The following TMEM131L variants were observed in gnomAD, a reference collection of about 807,000 sequenced individuals.
The protein encoded by TMEM131L is transmembrane 131 like.
TMEM131L carries 54 observed loss-of-function variants against 192.2 expected under a neutral mutation model. The observed-to-expected ratio is 0.28, with a 90% CI of 0.23 to 0.35. TMEM131L has a LOEUF of 0.35. TMEM131L is among the 10% of genes least tolerant of loss of function. TMEM131L has a pLI of 1.00. For missense variants in TMEM131L, 1,888 were observed against 1,972.9 expected (o/e 0.96, Z 0.82); for synonymous variants, 701 against 704.9 (o/e 0.99, Z 0.09).
intron 3 of TMEM131L, among the ~76,000 whole-genome samples, chr4:153,489,778 A>G (rs546447723): frequency 1.4e-5 from 2 of 147,222 alleles, no homozygotes; most frequent in South Asian, 4.3e-4. Flanking sequence ...GCCTGGCCCA[A>G]TTTTTTTTTT....
intron 2 of TMEM131L, among the ~76,000 whole-genome samples, chr4:153,468,880 A>G (rs1425039384): frequency 6.6e-6 from 1 of 152,146 alleles, no homozygotes; most frequent in Non-Finnish European, 1.5e-5. Context: ...GCTCAATTAT[A>G]GTTTCTATCT....
In TMEM131L at chr4:153,555,826, C is replaced by T. The variant is rs1017246847; in HGVS notation, c.348C>T (p.Tyr116=). ...CTGTAGCAAAGATTCTCCATGCTTA[C>T]AACCCTAGTAGGGACAGCGAGGTTG... ...GHPVAKILHA[Y]NPSRDSEVVV... is the part of the protein sequence containing the mutation. Residue 116 remains tyrosine, a synonymous_variant, in exon 5 of 35, where the codon TAC becomes TAT. Coordinates refer to ENST00000409959, the MANE Select transcript of TMEM131L (RefSeq NM_001131007.2). The surrounding 1 kb of genome is among the most constrained non-coding windows in gnomAD (Gnocchi z 4.1). The T allele has an allele frequency of 3.9e-6, 6 of 1,551,642 alleles. No individual in the cohort carries two copies. The highest frequency in any genetic ancestry group is 4.4e-6 in the Non-Finnish European group (5 of 1,146,850).
chr4:153,500,171 G>T (rs1733496011), intron 3 of TMEM131L, among the ~76,000 whole-genome samples: 1 of 151,946 alleles, frequency 6.6e-6, no homozygotes, highest in Non-Finnish European at 1.5e-5. Context: ...TACAATCATG[G>T]CTCACTGCAG....
intron 26 of TMEM131L, 66 bp downstream of exon 26, chr4:153,612,466 ATG>A (rs1397600809): frequency 8.1e-7 from 1 of 1,227,154 alleles, no homozygotes; most frequent in Non-Finnish European, 1.1e-6. Context: ...TTAAGTGAAT[ATG>A]TGTATTTCAT....
chr4:153,602,822 T>A, intron 23 of TMEM131L, 95 bp downstream of exon 23: 1 of 1,074,338 alleles, frequency 9.3e-7, no homozygotes, highest in East Asian at 2.4e-5. Context: ...GTAGTCAAAG[T>A]ATATGAATTG....
intron 28 of TMEM131L, 46 bp from the exon 29 acceptor site, chr4:153,622,852 G>T: frequency 1.3e-6 from 2 of 1,590,728 alleles, no homozygotes; most frequent in Non-Finnish European, 1.7e-6. Context: ...AATGCATGAG[G>T]TTGACAGTTG....
chr4:153,566,127 A>G (rs1729170939), intron 7 of TMEM131L, among the ~76,000 whole-genome samples: 1 of 151,836 alleles, frequency 6.6e-6, no homozygotes, highest in Non-Finnish European at 1.5e-5. Flanking sequence ...TTATAAGACA[A>G]TGTGGGAAAC....
rs767357464 is a variant in TMEM131L, at chr4:153,603,868, T to C, written c.2856T>C (p.Leu952=). The C allele has an allele frequency of 6.2e-7, 1 of 1,613,758 alleles. No homozygotes were observed. The highest frequency in any genetic ancestry group is 1.1e-5 in the South Asian group (1 of 90,984). The change falls in exon 25 of 35, where the codon CTT becomes CTC. Residue 952 remains leucine (L), a synonymous_variant. Coordinates refer to ENST00000409959, the MANE Select transcript of TMEM131L (RefSeq NM_001131007.2). ...PSDKGRGKNC[L]PVNTPQSRIQ... is the part of the protein sequence containing the mutation. ...ATAAAGGCAGGGGGAAGAACTGCCTTCCAGTGAACACTCCCCAAAGCAGGA... is the reference window on the plus strand; with the variant it reads ...ATAAAGGCAGGGGGAAGAACTGCCTCCCAGTGAACACTCCCCAAAGCAGGA...
intron 11 of TMEM131L, among the ~76,000 whole-genome samples, chr4:153,583,986 A>C (rs544342738): frequency 6.6e-6 from 1 of 152,216 alleles, no homozygotes; most frequent in African/African-American, 2.4e-5. Flanking sequence ...AAAATTGGCA[A>C]ATCTCTATGA....
At chr4:153,566,023 G>T (rs1313630217) in intron 7 of TMEM131L, among the ~76,000 whole-genome samples, 2 of 152,104 alleles carry the variant, frequency 1.3e-5, no homozygotes, top group African/African-American at 4.8e-5. Context: ...TGGCATTTAG[G>T]ATCATTAGCC....
intron 26 of TMEM131L, among the ~76,000 whole-genome samples, chr4:153,612,876 G>C (rs6535929): frequency 0.099 from 14,996 of 152,124 alleles, 1,514 homozygotes; most frequent in African/African-American, 0.25. Flanking sequence ...ATCAAAAGGG[G>C]ACAATGTGTA....
rs1731668357 is a variant in TMEM131L at position 153,477,961 on chromosome 4, A to G, written c.239+4073A>G. On this transcript the variant is annotated intron_variant, in intron 3 of 34. Transcript: ENST00000409959. ...GAAAGAAGTGCCTTACCCTTTAGCC[A>G]TCAACCTCCAATCTCCTATCCCTGC... Among the ~76,000 whole-genome samples, 4 of 152,232 alleles carry G rather than the reference A, an allele frequency of 2.6e-5. No homozygotes were observed. The South Asian group carries it at 8.3e-4, about 31-fold the overall frequency.
chr4:153,570,843 A>G (rs1388004902), intron 7 of TMEM131L, among the ~76,000 whole-genome samples: 7 of 152,128 alleles, frequency 4.6e-5, no homozygotes, highest in Non-Finnish European at 1.5e-5. Flanking sequence ...TTCTCAGCAG[A>G]TGCCCTGAGG....
intron 3 of TMEM131L, among the ~76,000 whole-genome samples, chr4:153,545,488 C>T (rs1441884407): frequency 2.0e-5 from 3 of 151,940 alleles, no homozygotes; most frequent in East Asian, 1.9e-4. Flanking sequence ...GGGGTTTCAC[C>T]GTGTTAGTCA....
At chr4:153,535,965 A>T (rs1377143835) in intron 3 of TMEM131L, among the ~76,000 whole-genome samples, 3 of 152,112 alleles carry the variant, frequency 2.0e-5, no homozygotes, top group African/African-American at 7.2e-5. Context: ...CACAATTTTT[A>T]TTGGAGCGCT....
intron 3 of TMEM131L, among the ~76,000 whole-genome samples, chr4:153,522,330 C>T (rs1421203657): frequency 6.6e-6 from 1 of 152,090 alleles, no homozygotes; most frequent in East Asian, 1.9e-4. Context: ...AAATAGGTGT[C>T]CTAACTTCCA....
chr4:153,582,073 TC>T (rs1395527837), intron 9 of TMEM131L, among the ~76,000 whole-genome samples: 2 of 152,240 alleles, frequency 1.3e-5, no homozygotes, highest in African/African-American at 4.8e-5. Flanking sequence ...CTGTTTAACT[TC>T]CTAAGAACTT....
rs767763597 is a variant in TMEM131L, at chr4:153,587,765, G to A, written c.1506G>A (p.Val502=). Residue 502 remains valine, a synonymous_variant, in exon 15 of 35, where the codon GTG becomes GTA. Coordinates refer to ENST00000409959, the MANE Select transcript of TMEM131L (RefSeq NM_001131007.2). The stretch of plus-strand genomic sequence containing the variant: ...AGGAAGGGAGTCTGGGTTTTGAAGT[G>A]ATAGCACATTGTGGCATGCATTATT... The part of the protein sequence containing the change: ...PTKEGSLGFE[V]IAHCGMHYFM... 32 of 1,613,300 alleles carry A rather than the reference G, an allele frequency of 2.0e-5. No homozygotes were observed. The highest frequency in any genetic ancestry group is 2.5e-5 in the Non-Finnish European group (30 of 1,179,244).
At chr4:153,598,911 TG>T (rs1731635866) in intron 21 of TMEM131L, among the ~76,000 whole-genome samples, 179 bp downstream of exon 21, 1 of 152,242 alleles carries the variant, frequency 6.6e-6, no homozygotes, top group African/African-American at 2.4e-5. Context: ...ATATATAGGC[TG>T]GTACCCCTGG....
Sources: allele counts gnomAD v4.1 joint callset (sites outside exome capture counted in the v4.1 genomes callset), GRCh38; gene constraint gnomAD v4.1.1; non-coding constraint Gnocchi (gnomAD v3.1); transcripts MANE v1.5; gene names NCBI Gene and HGNC (gene_info 2026-07-23, HGNC 2026-07-21).